Variants in ARMCX4 observed in about 807,000 individuals in gnomAD.
ARMCX4 encodes armadillo repeat-containing X-linked protein 4.
Under a neutral mutation model 34.7 loss-of-function variants are expected in ARMCX4, and 3 were observed. The observed-to-expected ratio is 0.09, with a 90% confidence interval of 0.04 to 0.22. ARMCX4 has a LOEUF of 0.22. Ranked by LOEUF, ARMCX4 falls within the 10% of genes least tolerant of loss-of-function variation. The pLI is 1.00. For synonymous variants in ARMCX4, 513 were observed against 632.8 expected, an observed-to-expected ratio of 0.81 and a Z score of 2.84; for missense variants, 1,448 against 1,720.8, an observed-to-expected ratio of 0.84 and a Z score of 2.81.
downstream of ARMCX4, chrX:101,498,307 G>A (rs1336566224): frequency 3.5e-6 from 1 of 284,802 alleles, no homozygotes; most frequent in Non-Finnish European, 6.8e-6. Context: ...CTACCCAGCT[G>A]TCAATGAAGA....
At chrX:101,515,343 T>TTTTCTTTCTTTCTTTCTTTCTTTCTTTC (rs782364891) in intron 11 of ARMCX4, among the ~76,000 whole-genome samples, 1,476 of 16,913 alleles carry the variant, frequency 0.087, 316 homozygotes, top group East Asian at 0.19. Context: ...TTTCCTTTCC[T>TTTTCTTTCTTTCTTTCTTTCTTTCTTTC]TTTCTTTCTT....
chrX:101,505,769 T>G lies in ARMCX4; in HGVS notation c.*1596+414T>G, dbSNP rs371331691. On this transcript the variant is annotated intron_variant and NMD_transcript_variant, in intron 8 of 12. Transcript: ENST00000354842. ...TTACCATCTTCACCATTTTTAGGTG[T>G]ACAGTTCAGTGACATTAAATACATT... 1.6e-4 allele frequency among the ~76,000 whole-genome samples: 18 copies of G among 112,586 alleles called. No homozygotes were observed. The East Asian group carries it at 1.9e-3, about 12-fold the overall frequency.
At chrX:101,444,084 G>C in exon 3 of ARMCX4, 1 of 341,009 alleles carries the variant, frequency 2.9e-6, no homozygotes, top group Non-Finnish European at 5.6e-6. Context: ...TGCTGTCTTT[G>C]GAACTTTGTC....
At chrX:101,438,618 G>A (rs112081267) in intron 2 of ARMCX4, among the ~76,000 whole-genome samples, 4,984 of 110,916 alleles carry the variant, frequency 0.045, 88 homozygotes, top group Middle Eastern at 0.07. Flanking sequence ...TCTCTTTATA[G>A]GTCTCTGAGG....
intron 2 of ARMCX4, among the ~76,000 whole-genome samples, chrX:101,437,692 TG>T (rs1930898595): frequency 9.0e-6 from 1 of 111,674 alleles, no homozygotes; most frequent in Non-Finnish European, 1.9e-5. Flanking sequence ...TGCTAGCTTT[TG>T]AATGTGTTTG....
At chrX:101,424,801 T>A (rs1315885214) in intron 2 of ARMCX4, among the ~76,000 whole-genome samples, 2 of 111,917 alleles carry the variant, frequency 1.8e-5, no homozygotes, top group Non-Finnish European at 3.8e-5. Context: ...AAGCAGGACC[T>A]TTAAGATCAC....
Position 101,495,273 on chromosome X carries a change from A to G in ARMCX4, c.6684A>G (p.Leu2228=). Residue 2228 remains leucine (L), a synonymous_variant, in exon 6 of 6, where the codon CTA becomes CTG. Transcript: ENST00000423738. Reference sequence around the variant, plus strand: ...AGAATATTCTTAATGCTCTTTCACTATTTGAAAATATAAATTACCATTTTA... The same window carrying G: ...AGAATATTCTTAATGCTCTTTCACTGTTTGAAAATATAAATTACCATTTTA... ...TKENILNALS[L]FENINYHFKR... The G allele has an allele frequency of 1.8e-6, 2 of 1,141,101 alleles. No homozygotes were observed. The highest frequency in any genetic ancestry group is 2.3e-6 in the Non-Finnish European group (2 of 861,170). 94.0% of individuals were successfully genotyped at this position (1,141,101 alleles called of 1,213,427 possible).
intron 2 of ARMCX4, among the ~76,000 whole-genome samples, chrX:101,432,551 C>T (rs1412167915): frequency 2.7e-5 from 3 of 109,200 alleles, no homozygotes; most frequent in Non-Finnish European, 5.7e-5. Flanking sequence ...GTCCTAGCTA[C>T]TCGGGAGGCT....
chrX:101,506,377 C>G (rs1556015153), intron 8 of ARMCX4, among the ~76,000 whole-genome samples: 1 of 111,622 alleles, frequency 9.0e-6, no homozygotes, highest in African/African-American at 3.3e-5. Context: ...CTGGGTGGCT[C>G]ACAAACAGCA....
chrX:101,429,166 T>C (rs1051761266), intron 2 of ARMCX4, among the ~76,000 whole-genome samples: 4 of 110,631 alleles, frequency 3.6e-5, no homozygotes, highest in African/African-American at 1.3e-4. Context: ...AGCTCTGTTG[T>C]GGTATTTCTT....
In ARMCX4 at chrX:101,494,361, T is replaced by G. The variant is rs1556011189; in HGVS notation, c.5772T>G (p.Phe1924Leu). 8.7e-7 allele frequency: 1 copy of G among 1,155,310 alleles called. No homozygotes were observed. The highest frequency in any genetic ancestry group is 1.1e-6 in the Non-Finnish European group (1 of 872,519). ...FRSKSGKDAS[F>L]ESGAGDNTSI... ...CTAAGAGTGGGAAAGATGCCAGTTT[T>G]GAGTCTGGAGCTGGGGATAACACCA... Residue 1924 changes from phenylalanine (F) to leucine (L), a missense_variant, in exon 6 of 6, where the codon TTT (phenylalanine) becomes TTG (leucine). By Grantham distance (22) the Phe-to-Leu change is conservative (BLOSUM62 0). This residue lies in a region of ARMCX4 where 1,343 missense variants were observed against 1,540.7 expected (regional missense o/e 0.87). Transcript: ENST00000423738.
chrX:101,497,924 A>T (rs1325290162), downstream of ARMCX4, among the ~76,000 whole-genome samples: 11 of 111,571 alleles, frequency 9.9e-5, no homozygotes, highest in Non-Finnish European at 1.5e-4. Context: ...TGAAAAGCTT[A>T]TTATTTTAAT....
At chrX:101,504,616 T>A (rs782788752) in intron 7 of ARMCX4, among the ~76,000 whole-genome samples, 26 of 111,040 alleles carry the variant, frequency 2.3e-4, no homozygotes, top group African/African-American at 8.5e-4. Context: ...GGTCTTATAG[T>A]CAGTTCTGGG....
At chrX:101,496,219 A>G (rs1432268152), downstream of ARMCX4, among the ~76,000 whole-genome samples, 1 of 110,434 alleles carries the variant, frequency 9.1e-6, no homozygotes, top group Admixed American at 9.8e-5. Context: ...GTGTCTGAAT[A>G]TTACTACATC....
At chrX:101,447,522 A>G (rs1725122267), downstream of ARMCX4, 1 of 111,879 alleles carries the variant, frequency 8.9e-6, no homozygotes, top group East Asian at 2.8e-4. Context: ...AGGTGGTCAG[A>G]CAACAATCTG....
chrX:101,425,816 A>ATTAT (rs782647124), intron 2 of ARMCX4, among the ~76,000 whole-genome samples: 9 of 110,500 alleles, frequency 8.1e-5, no homozygotes, highest in Non-Finnish European at 1.7e-4. Flanking sequence ...GGCCTTTCAA[A>ATTAT]TTATTTATTT....
At chrX:101,499,008 C>A (rs1934239547), downstream of ARMCX4, 1 of 111,960 alleles carries the variant, frequency 8.9e-6, no homozygotes. Context: ...CATAATCTAG[C>A]TGGTGATGTG....
At chrX:101,444,738 C>T (rs782595166) in intron 3 of ARMCX4, among the ~76,000 whole-genome samples, 29 of 111,846 alleles carry the variant, frequency 2.6e-4, no homozygotes, top group South Asian at 7.4e-4. Flanking sequence ...TGAAGGTATA[C>T]GCTGTGATGA....
upstream of ARMCX4, among the ~76,000 whole-genome samples, chrX:101,483,567 T>C (rs1217946959): frequency 8.9e-6 from 1 of 112,054 alleles, no homozygotes; most frequent in East Asian, 2.8e-4. Flanking sequence ...ATTTCTTTTC[T>C]GTGAACAAAT....
Sources: gnomAD v4.1 joint callset for allele counts (sites outside exome capture counted in the v4.1 genomes callset) on GRCh38, gnomAD v4.1.1 for gene constraint, gnomAD v4.1.1 regional missense constraint, MANE v1.5 for transcripts, NCBI Gene and HGNC (gene_info 2026-07-23, HGNC 2026-07-21) for gene names.